Variants in COX4I1 observed in about 807,000 individuals in gnomAD.
The protein encoded by COX4I1 is cytochrome c oxidase subunit 4I1.
A neutral mutation model predicts 21.7 loss-of-function variants in COX4I1; 18 were observed. The ratio of observed to expected loss-of-function variants is 0.83; its 90% CI spans 0.57 to 1.23. The LOEUF is 1.23. COX4I1 is among the 50% of genes most tolerant of loss of function. The probability of loss-of-function intolerance (pLI) is 0.00; values close to 1 mark genes in which losing one functional copy is unlikely to be tolerated. For missense variants in COX4I1, 238 were observed against 220.7 expected (o/e 1.08, Z -0.50); for synonymous variants, 100 against 81.5 (o/e 1.23, Z -1.23).
At chr16:85,803,612 T>C (rs2599085) in intron 2 of COX4I1, 148,514 of 152,354 alleles carry the variant, frequency 0.97, 72,489 homozygotes, top group Middle Eastern at 1. Context: ...TTCCATGTGA[T>C]ACCTGCTGCT....
At chr16:85,804,262 T>G (rs1472862234) in intron 2 of COX4I1, 2 of 152,292 alleles carry the variant, frequency 1.3e-5, no homozygotes, top group Non-Finnish European at 2.9e-5. Context: ...CCTCATTAGT[T>G]TGAGTCCCTT....
At chr16:85,803,298 T>G (rs1243341807) in intron 2 of COX4I1, 1 of 152,220 alleles carries the variant, frequency 6.6e-6, no homozygotes, top group Non-Finnish European at 1.5e-5. Flanking sequence ...TGGGATGAGG[T>G]GTCAAGTATA....
intron 2 of COX4I1, chr16:85,803,822 T>C (rs536334272): frequency 2.9e-4 from 44 of 152,360 alleles, no homozygotes; most frequent in Non-Finnish European, 8.8e-5. Flanking sequence ...AGTGCACGCT[T>C]CCTCTGCATT....
At chr16:85,801,099 G>C in intron 1 of COX4I1, 106 bp from the exon 2 acceptor site, 1 of 819,254 alleles carries the variant, frequency 1.2e-6, no homozygotes, top group Non-Finnish European at 2.1e-6. Flanking sequence ...ATTTGCGTTG[G>C]GGAGAAGCAA....
intron 2 of COX4I1, chr16:85,803,181 A>G (rs968875078): frequency 6.6e-6 from 1 of 152,204 alleles, no homozygotes; most frequent in Admixed American, 6.5e-5. Flanking sequence ...TTCAGTATAC[A>G]AGTGTTCTTT....
intron 4 of COX4I1, 71 bp downstream of exon 4, chr16:85,805,935 G>C (rs1906166074): frequency 6.3e-7 from 1 of 1,592,402 alleles, no homozygotes. Context: ...TTGGTGGGCT[G>C]TCGGGGACCT....
At chr16:85,800,785 G>A (rs1905664711) in intron 1 of COX4I1, among the ~76,000 whole-genome samples, 1 of 152,020 alleles carries the variant, frequency 6.6e-6, no homozygotes, top group African/African-American at 2.4e-5. Context: ...TACCATGCCC[G>A]GCTAATTTTT....
At chr16:85,806,637 C>T in intron 4 of COX4I1, 101 bp from the exon 5 acceptor site, 9 of 1,591,744 alleles carry the variant, frequency 5.7e-6, no homozygotes, top group Non-Finnish European at 7.7e-6. Flanking sequence ...GCTCTGCTGA[C>T]CTGGTGGCTG....
intron 1 of COX4I1, among the ~76,000 whole-genome samples, chr16:85,800,769 G>T (rs115621621): frequency 0.029 from 4,455 of 152,104 alleles, 220 homozygotes; most frequent in African/African-American, 0.1. Context: ...GATTACGGGC[G>T]CCCACTACCA....
At chr16:85,803,863 C>T (rs545031596) in intron 2 of COX4I1, 2 of 152,414 alleles carry the variant, frequency 1.3e-5, no homozygotes, top group East Asian at 1.9e-4. Context: ...GTCCTGTGGA[C>T]GTTGCCCCTT....
chr16:85,805,888 T>G (rs763552061), intron 4 of COX4I1, 24 bp downstream of exon 4: 1 of 1,613,654 alleles, frequency 6.2e-7, no homozygotes, highest in Non-Finnish European at 8.5e-7. Flanking sequence ...GAGGAAGGCA[T>G]GGGCGCCTGG....
At chr16:85,800,289 C>T (rs1032596349) in intron 1 of COX4I1, among the ~76,000 whole-genome samples, 1 of 152,230 alleles carries the variant, frequency 6.6e-6, no homozygotes, top group African/African-American at 2.4e-5. Context: ...TCACTCTCAC[C>T]AGTCCTCCGA....
chr16:85,800,909 C>T (rs1036477991), intron 1 of COX4I1, among the ~76,000 whole-genome samples: 1 of 152,194 alleles, frequency 6.6e-6, no homozygotes, highest in African/African-American at 2.4e-5. Flanking sequence ...CCGGCGTGAG[C>T]CACCGCGCCC....
At position 85,807,065 on chromosome 16, in the gene COX4I1, C is replaced by A; in HGVS notation, c.*191C>A. The A allele has an allele frequency of 1.6e-6, 1 of 622,630 alleles. No individual in the cohort carries two copies. The allele number at this position is 622,630 out of a possible 1,614,324, so 38.6% of individuals were successfully genotyped here. On this transcript the variant is annotated 3_prime_UTR_variant, in exon 5 of 5. Coordinates refer to ENST00000253452, the MANE Select transcript of COX4I1 (RefSeq NM_001861.6). ...AGCTAATTAAAACAATAGGTTTCTC[C>A]CAAGGGTCTGGAGTAAATATATTTT...
At chr16:85,802,862 T>C (rs1905879762) in intron 2 of COX4I1, among the ~76,000 whole-genome samples, 1 of 152,246 alleles carries the variant, frequency 6.6e-6, no homozygotes, top group African/African-American at 2.4e-5. Flanking sequence ...TTCTGGAAGA[T>C]GCAATTTTGA....
intron 2 of COX4I1, 125 bp from the exon 3 acceptor site, chr16:85,804,812 A>G: frequency 2.6e-6 from 2 of 770,062 alleles, no homozygotes. Flanking sequence ...AGTGGCTGTG[A>G]CCCCCTGAGA....
intron 2 of COX4I1, chr16:85,804,694 G>A: frequency 2.5e-6 from 1 of 393,088 alleles, no homozygotes; most frequent in Non-Finnish European, 4.6e-6. Context: ...CTGCCTCTGG[G>A]CACCTTGGCC....
intron 2 of COX4I1, among the ~76,000 whole-genome samples, chr16:85,801,911 C>T (rs771811532): frequency 9.9e-5 from 15 of 151,926 alleles, no homozygotes; most frequent in Admixed American, 2.0e-4. Flanking sequence ...TGTTTGCAAT[C>T]TGAAGAGGGA....
intron 4 of COX4I1, chr16:85,806,495 G>A: frequency 1.4e-6 from 1 of 709,168 alleles, no homozygotes; most frequent in Non-Finnish European, 2.6e-6. Context: ...GTTATCCATA[G>A]CCTTTAGAGA....
Sources: allele counts gnomAD v4.1 joint callset (sites outside exome capture counted in the v4.1 genomes callset), GRCh38; gene constraint gnomAD v4.1.1; transcripts MANE v1.5; gene names NCBI Gene and HGNC (gene_info 2026-07-23, HGNC 2026-07-21).